Variants in ERC2 observed in about 807,000 individuals in gnomAD.
The protein encoded by ERC2 is ERC protein 2.
In ERC2, 42 loss-of-function variants were observed where a neutral mutation model predicts 114.8. The ratio of observed to expected loss-of-function variants is 0.37; its 90% CI spans 0.29 to 0.47. The LOEUF (loss-of-function observed/expected upper bound fraction) is 0.47. Ranked by LOEUF, ERC2 falls within the 20% of genes least tolerant of loss-of-function variation. ERC2 has a pLI of 0.99. For synonymous variants in ERC2, 454 were observed against 425.5 expected (o/e 1.07, Z -0.82); for missense variants, 939 against 1,150.7 (o/e 0.82, Z 2.66).
intron 14 of ERC2, among the ~76,000 whole-genome samples, chr3:55,793,481 A>C (rs2149082323): frequency 6.6e-6 from 1 of 152,276 alleles, no homozygotes; most frequent in East Asian, 1.9e-4. Context: ...CAAAGTTTTT[A>C]TTCAGTGCTA....
chr3:56,059,178 C>T (rs1210015632), intron 7 of ERC2, among the ~76,000 whole-genome samples: 1 of 151,984 alleles, frequency 6.6e-6, no homozygotes, highest in Non-Finnish European at 1.5e-5. Context: ...GCAACCTCCG[C>T]CCCCCAGGTT....
intron 17 of ERC2, among the ~76,000 whole-genome samples, chr3:55,650,928 C>A (rs1268190467): frequency 6.6e-6 from 1 of 151,638 alleles, no homozygotes; most frequent in Non-Finnish European, 1.5e-5. Context: ...CTCACTGCAA[C>A]CTTCACCTCC....
intron 8 of ERC2, among the ~76,000 whole-genome samples, chr3:56,011,246 G>A (rs2072911169): frequency 6.6e-6 from 1 of 152,184 alleles, no homozygotes; most frequent in Admixed American, 6.5e-5. Context: ...GAGTTTGAAC[G>A]AAGTTCAGCA....
chr3:55,848,216 C>T (rs1434251914), intron 14 of ERC2, among the ~76,000 whole-genome samples: 1 of 152,204 alleles, frequency 6.6e-6, no homozygotes, highest in African/African-American at 2.4e-5. Context: ...GCCGTCTTGT[C>T]CTCCTTCTGC....
chr3:56,079,598 T>G (rs2077132367), intron 7 of ERC2, among the ~76,000 whole-genome samples: 1 of 152,084 alleles, frequency 6.6e-6, no homozygotes, highest in South Asian at 2.1e-4. Flanking sequence ...CCAATGGAGG[T>G]GGGGACAGCT....
At chr3:55,592,661 T>C (rs575962431) in intron 17 of ERC2, among the ~76,000 whole-genome samples, 1 of 152,172 alleles carries the variant, frequency 6.6e-6, no homozygotes, top group Non-Finnish European at 1.5e-5. Context: ...GAATGAGAAA[T>C]GACTAAATCA....
chr3:55,906,060 C>T (rs2064416016), intron 13 of ERC2, among the ~76,000 whole-genome samples: 1 of 152,306 alleles, frequency 6.6e-6, no homozygotes, highest in East Asian at 1.9e-4. Flanking sequence ...ACTTACTCCT[C>T]CTGTATTTGT....
intron 2 of ERC2, among the ~76,000 whole-genome samples, chr3:56,430,109 C>A (rs550702046): frequency 2.6e-4 from 40 of 152,322 alleles, no homozygotes; most frequent in Non-Finnish European, 2.9e-4. Flanking sequence ...TCTCTTCACA[C>A]AGAACAGTTC....
intron 17 of ERC2, among the ~76,000 whole-genome samples, chr3:55,525,440 G>A (rs141898442): frequency 1.3e-5 from 2 of 152,230 alleles, no homozygotes; most frequent in South Asian, 2.1e-4. Context: ...AGGATGCCCC[G>A]AGACACCTCA....
At chr3:56,341,081 T>G (rs963664450) in intron 2 of ERC2, among the ~76,000 whole-genome samples, 2 of 152,162 alleles carry the variant, frequency 1.3e-5, no homozygotes, top group African/African-American at 4.8e-5. Context: ...CTTAGATGAG[T>G]CGGTGTAAAT....
chr3:56,211,271 G>A (rs1445680817), intron 3 of ERC2, among the ~76,000 whole-genome samples: 3 of 152,086 alleles, frequency 2.0e-5, no homozygotes, highest in Admixed American at 6.6e-5. Flanking sequence ...CAAAATCAAT[G>A]TACACAAATC....
intron 17 of ERC2, among the ~76,000 whole-genome samples, chr3:55,625,607 C>T (rs2059489701): frequency 6.6e-6 from 1 of 151,782 alleles, no homozygotes; most frequent in African/African-American, 2.4e-5. Flanking sequence ...AAAAATTAGC[C>T]GGGCGTGGTG....
At chr3:55,642,965 T>G (rs2060248910) in intron 17 of ERC2, among the ~76,000 whole-genome samples, 1 of 152,230 alleles carries the variant, frequency 6.6e-6, no homozygotes, top group South Asian at 2.1e-4. Context: ...TGTTACCACT[T>G]TATTTACCTG....
rs764740068 is a variant in ERC2, at chr3:55,845,503, CAAAAAAAAAA to C, written c.2564+42876_2564+42885del. Among the ~76,000 whole-genome samples, 517 of 64,068 alleles carry C rather than the reference CAAAAAAAAAA, an allele frequency of 8.1e-3. 1 individual carries two copies. Among genetic ancestry groups the C allele is most frequent in the African/African-American group, 0.029 (489 of 16,854 alleles). The allele number at this position is 64,068 out of a possible 152,430, so 42.0% of individuals were successfully genotyped here. ...TGGGCGACAGAGCGAGACTCCGTCT[CAAAAAAAAAA>C]AAAAAAAAAAAAAGGCAAAAATGGA... On this transcript the variant is annotated intron_variant, in intron 14 of 17. Coordinates refer to ENST00000288221, the MANE Select transcript of ERC2 (RefSeq NM_015576.3).
At chr3:56,100,197 T>A (rs2078277371) in intron 6 of ERC2, among the ~76,000 whole-genome samples, 2 of 152,216 alleles carry the variant, frequency 1.3e-5, no homozygotes, top group Admixed American at 1.3e-4. Context: ...AATGCTGCAT[T>A]TGAATAACGT....
intron 14 of ERC2, among the ~76,000 whole-genome samples, chr3:55,852,219 C>T (rs940597060): frequency 2.6e-5 from 4 of 151,916 alleles, no homozygotes; most frequent in African/African-American, 7.3e-5. Flanking sequence ...GTCTCTGTCT[C>T]GAAAACAAAA....
intron 16 of ERC2, among the ~76,000 whole-genome samples, chr3:55,684,322 G>A (rs201170700): frequency 6.0e-5 from 9 of 149,498 alleles, no homozygotes; most frequent in East Asian, 3.9e-4. Flanking sequence ...ACACACACAC[G>A]CACACACACA....
At chr3:56,312,928 T>C (rs1291991794) in intron 2 of ERC2, among the ~76,000 whole-genome samples, 1 of 146,506 alleles carries the variant, frequency 6.8e-6, no homozygotes, top group African/African-American at 2.5e-5. Flanking sequence ...CTTTCTCTGG[T>C]GTGAAGATAA....
intron 14 of ERC2, among the ~76,000 whole-genome samples, chr3:55,798,004 G>A (rs2070656029): frequency 6.6e-6 from 1 of 152,114 alleles, no homozygotes; most frequent in Non-Finnish European, 1.5e-5. Context: ...GATAAAACTA[G>A]AGAAACTAGC....
Sources: allele counts gnomAD v4.1 joint callset (sites outside exome capture counted in the v4.1 genomes callset), GRCh38; gene constraint gnomAD v4.1.1; transcripts MANE v1.5; gene names NCBI Gene and HGNC (gene_info 2026-07-23, HGNC 2026-07-21).